GRM7: variants seen among roughly 807,000 people sequenced by gnomAD.
GRM7 encodes glutamate metabotropic receptor 7.
In GRM7, 35 loss-of-function variants were observed where a neutral mutation model predicts 84.5. That is an observed-to-expected ratio of 0.41 (90% CI 0.32 to 0.55). The LOEUF (loss-of-function observed/expected upper bound fraction) is 0.55. GRM7 is among the 20% of genes least tolerant of loss of function. The pLI, the probability that GRM7 is intolerant of heterozygous loss-of-function variation, is 0.19. For missense variants in GRM7, 1,003 were observed against 1,194.6 expected (o/e 0.84, Z 2.36); for synonymous variants, 487 against 455.1 (o/e 1.07, Z -0.89).
At chr3:6,865,934 C>A (rs766470787) in intron 1 of GRM7, among the ~76,000 whole-genome samples, 4 of 152,084 alleles carry the variant, frequency 2.6e-5, no homozygotes, top group Non-Finnish European at 5.9e-5. Context: ...TCTGCCTCCA[C>A]ATTTACTGTG....
intron 8 of GRM7, among the ~76,000 whole-genome samples, chr3:7,592,505 G>A (rs1695842115): frequency 1.3e-5 from 2 of 152,188 alleles, no homozygotes; most frequent in South Asian, 4.1e-4. Context: ...GGGCATGGTA[G>A]GAGATGAGCC....
chr3:7,071,543 G>A (rs930783468), intron 1 of GRM7, among the ~76,000 whole-genome samples: 4 of 151,796 alleles, frequency 2.6e-5, no homozygotes, highest in African/African-American at 9.7e-5. Context: ...GCATTCTCGG[G>A]TGAGCCATAT....
At chr3:7,463,229 G>C (rs915406094) in intron 7 of GRM7, among the ~76,000 whole-genome samples, 1 of 152,176 alleles carries the variant, frequency 6.6e-6, no homozygotes, top group African/African-American at 2.4e-5. Context: ...CTGCACTCTT[G>C]TTAAATTTCT....
chr3:7,348,160 T>C (rs1692975351), intron 4 of GRM7, among the ~76,000 whole-genome samples: 1 of 152,126 alleles, frequency 6.6e-6, no homozygotes, highest in African/African-American at 2.4e-5. Context: ...CATCTGTTGC[T>C]TAGAAACTGC....
At chr3:7,684,312 T>C (rs1700495131) in intron 9 of GRM7, among the ~76,000 whole-genome samples, 1 of 152,164 alleles carries the variant, frequency 6.6e-6, no homozygotes, top group Non-Finnish European at 1.5e-5. Flanking sequence ...GGAATTTGTC[T>C]CTCCAGTGGG....
chr3:6,946,127 A>C (rs145105078), intron 1 of GRM7, among the ~76,000 whole-genome samples: 13 of 152,128 alleles, frequency 8.5e-5, no homozygotes, highest in East Asian at 1.9e-4. Flanking sequence ...GACATGAAGT[A>C]CTTGCCCATG....
At chr3:7,182,920 G>GA (rs1695391010) in intron 2 of GRM7, among the ~76,000 whole-genome samples, 3 of 99,010 alleles carry the variant, frequency 3.0e-5, no homozygotes, top group African/African-American at 1.0e-4. Flanking sequence ...TTTTTTCAAT[G>GA]AAAAAGACAG....
At chr3:7,041,455 A>G (rs920229868) in intron 1 of GRM7, among the ~76,000 whole-genome samples, 1 of 151,710 alleles carries the variant, frequency 6.6e-6, no homozygotes, top group Non-Finnish European at 1.5e-5. Flanking sequence ...TGCATGTATT[A>G]ATAGTTAATT....
intron 7 of GRM7, among the ~76,000 whole-genome samples, chr3:7,550,925 C>G (rs1164232130): frequency 6.6e-6 from 1 of 152,120 alleles, no homozygotes; most frequent in Non-Finnish European, 1.5e-5. Flanking sequence ...AGCAGTATTT[C>G]ACAGTGGATA....
chr3:7,639,048 C>G (rs1202231372), intron 8 of GRM7, among the ~76,000 whole-genome samples: 2 of 152,150 alleles, frequency 1.3e-5, no homozygotes, highest in African/African-American at 4.8e-5. Context: ...TGCTTGACCC[C>G]CTCTTGACAG....
chr3:7,219,309 T>G (rs1462776778), intron 2 of GRM7, among the ~76,000 whole-genome samples: 1 of 152,226 alleles, frequency 6.6e-6, no homozygotes, highest in East Asian at 1.9e-4. Context: ...GGGAGATCTG[T>G]TCCCATCAGA....
At chr3:7,570,792 C>T (rs777611990) in intron 7 of GRM7, among the ~76,000 whole-genome samples, 36 of 152,194 alleles carry the variant, frequency 2.4e-4, no homozygotes, top group South Asian at 1.2e-3. Context: ...ATTTCCCTTC[C>T]GCACTGCTCT....
chr3:7,493,115 G>A (rs1258447054), intron 7 of GRM7, among the ~76,000 whole-genome samples: 2 of 151,978 alleles, frequency 1.3e-5, no homozygotes, highest in East Asian at 1.9e-4. Flanking sequence ...AATGTTCTAT[G>A]AGCACTTGGG....
At chr3:7,643,278 G>A (rs1218291415) in intron 8 of GRM7, among the ~76,000 whole-genome samples, 1 of 112,024 alleles carries the variant, frequency 8.9e-6, no homozygotes, top group Non-Finnish European at 1.8e-5. Flanking sequence ...CTGAGAACTG[G>A]TTGCAACTTC....
intron 2 of GRM7, among the ~76,000 whole-genome samples, chr3:7,248,849 G>A (rs1033758697): frequency 6.6e-6 from 1 of 152,048 alleles, no homozygotes; most frequent in Non-Finnish European, 1.5e-5. Context: ...GGCAATAGTA[G>A]GTCACCAGTA....
At chr3:7,334,814 A>T (rs1253672362) in intron 4 of GRM7, among the ~76,000 whole-genome samples, 1 of 152,200 alleles carries the variant, frequency 6.6e-6, no homozygotes, top group Non-Finnish European at 1.5e-5. Context: ...CAACAGTTAG[A>T]TAAAGAGGAA....
chr3:7,577,065 G>A (rs1695003047), intron 7 of GRM7, among the ~76,000 whole-genome samples: 1 of 151,978 alleles, frequency 6.6e-6, no homozygotes, highest in Non-Finnish European at 1.5e-5. Flanking sequence ...CTTTTATCCT[G>A]GAAACTCTGA....
At chr3:7,520,734 G>A (rs1364711581) in intron 7 of GRM7, among the ~76,000 whole-genome samples, 1 of 152,152 alleles carries the variant, frequency 6.6e-6, no homozygotes, top group African/African-American at 2.4e-5. Flanking sequence ...AGCTGTAATT[G>A]TAGCATTCAG....
chr3:7,483,860 G>A (rs544513238), intron 7 of GRM7, among the ~76,000 whole-genome samples: 24 of 151,812 alleles, frequency 1.6e-4, no homozygotes, highest in African/African-American at 5.1e-4. Context: ...TATAAAACAC[G>A]CAAAATGGAC....
Sources: gnomAD v4.1 joint callset for allele counts (sites outside exome capture counted in the v4.1 genomes callset) on GRCh38, gnomAD v4.1.1 for gene constraint, MANE v1.5 for transcripts, NCBI Gene and HGNC (gene_info 2026-07-23, HGNC 2026-07-21) for gene names.